SPRTN: variants seen among roughly 807,000 people sequenced by gnomAD.
SPRTN encodes DNA-dependent metalloprotease SPRTN.
In SPRTN, 11 loss-of-function variants were observed where a neutral mutation model predicts 31.9. That is an observed-to-expected ratio of 0.34 (90% confidence interval 0.22 to 0.57). SPRTN has a LOEUF of 0.57. Among genes scored for constraint, SPRTN ranks in the 20% least tolerant of loss-of-function variants. The pLI is 0.86. For synonymous variants in SPRTN, 185 were observed against 212.1 expected (o/e 0.87, Z 1.11); for missense variants, 482 against 590.1 (o/e 0.82, Z 1.90).
At chr1:231,340,480 G>A (rs1686849078) in intron 2 of SPRTN, among the ~76,000 whole-genome samples, 1 of 152,174 alleles carries the variant, frequency 6.6e-6, no homozygotes, top group South Asian at 2.1e-4. Context: ...GGTTCAGAGA[G>A]GTTAAGTAAC....
At position 231,339,789 on chromosome 1, in the gene SPRTN, A is replaced by G. The variant is rs773894329; in HGVS notation, c.242A>G (p.Tyr81Cys). The change falls in exon 2 of 5, where the codon TAT (tyrosine) becomes TGT (cysteine). Residue 81 changes from tyrosine (Y) to cysteine (C), a missense_variant. This residue lies in a region of SPRTN where 157 missense variants were observed against 239.9 expected (regional missense o/e 0.65). Transcript: ENST00000295050. The part of the protein sequence containing the change: ...RMTLCAGICS[Y>C]EGKGGMCSIR... Reference sequence around the variant, plus strand: ...TCTAGGTGTGCTGGGATATGCAGCTATGAAGGGAAGGGTGGAATGTGTTCC... The same window carrying G: ...TCTAGGTGTGCTGGGATATGCAGCTGTGAAGGGAAGGGTGGAATGTGTTCC... The G allele has an allele frequency of 1.9e-6, 3 of 1,614,124 alleles. No homozygotes were observed. Among genetic ancestry groups the G allele is most frequent in the South Asian group, 2.2e-5 (2 of 91,086 alleles).
At position 231,338,381 on chromosome 1, in the gene SPRTN, A is replaced by G. The variant is rs757009363; in HGVS notation, c.-3A>G. The G allele has an allele frequency of 2.5e-6, 4 of 1,613,736 alleles. No individual in the cohort carries two copies. The highest frequency in any genetic ancestry group is 3.4e-6 in the Non-Finnish European group (4 of 1,179,668). On this transcript the variant is annotated 5_prime_UTR_variant, in exon 1 of 5. Coordinates refer to ENST00000295050, the MANE Select transcript of SPRTN (RefSeq NM_032018.7). ...GCGGACCCCGCCTGTGATCCTGGCA[A>G]CGATGGATGATGACTTGATGTTGGC...
chr1:231,340,224 G>A (rs559255531), intron 2 of SPRTN, among the ~76,000 whole-genome samples: 1 of 152,042 alleles, frequency 6.6e-6, no homozygotes, highest in East Asian at 1.9e-4. Flanking sequence ...AAAATTAGCC[G>A]GGCGTGGTGG....
intron 2 of SPRTN, among the ~76,000 whole-genome samples, chr1:231,341,451 C>T (rs966653245): frequency 4.6e-5 from 7 of 151,824 alleles, no homozygotes; most frequent in Non-Finnish European, 7.4e-5. Flanking sequence ...AACCTTTAAT[C>T]ATCTTGTAAG....
At chr1:231,345,544 A>T (rs1571994960) in intron 2 of SPRTN, among the ~76,000 whole-genome samples, 1 of 152,114 alleles carries the variant, frequency 6.6e-6, no homozygotes, top group South Asian at 2.1e-4. Context: ...AAAACACTGG[A>T]GTTATTTCTA....
intron 3 of SPRTN, 91 bp downstream of exon 3, chr1:231,348,016 C>A: frequency 6.6e-7 from 1 of 1,509,948 alleles, no homozygotes; most frequent in Non-Finnish European, 8.9e-7. Context: ...TAGGTAGAAA[C>A]AAGTATCTTT....
rs775787648 is a variant in SPRTN at position 231,351,362 on chromosome 1, A to G, written c.509A>G (p.Asn170Ser). Residue 170 changes from asparagine to serine, a missense_variant, in exon 4 of 5, where the codon AAT (asparagine) becomes AGT (serine). Asn to Ser is a conservative substitution (Grantham distance 46, BLOSUM62 1). Around this residue, in one of 2 missense-constraint regions of SPRTN, gnomAD observed 157 missense variants for 239.9 expected, o/e 0.65. Coordinates refer to ENST00000295050, the MANE Select transcript of SPRTN (RefSeq NM_032018.7). Reference sequence around the variant, plus strand: ...TATCGGCGACACTGGTGGCGCTGCAATGGGCCGTGCCAGCACAGGCCACCG... The same window carrying G: ...TATCGGCGACACTGGTGGCGCTGCAGTGGGCCGTGCCAGCACAGGCCACCG... The part of the protein sequence containing the change: ...DEYRRHWWRC[N>S]GPCQHRPPYY... 1.2e-5 allele frequency: 19 copies of G among 1,614,008 alleles called. No individual in the cohort carries two copies. In the South Asian group the frequency reaches 1.2e-4, roughly 10 times the overall value.
intron 3 of SPRTN, among the ~76,000 whole-genome samples, chr1:231,350,258 C>T (rs764938793): frequency 6.6e-6 from 1 of 152,130 alleles, no homozygotes; most frequent in Non-Finnish European, 1.5e-5. Context: ...GCATTCTTTC[C>T]CACAAGGGGA....
intron 2 of SPRTN, 158 bp downstream of exon 2, chr1:231,340,026 GT>G: frequency 2.2e-6 from 1 of 446,746 alleles, no homozygotes; most frequent in Admixed American, 3.9e-5. Flanking sequence ...AACACCTTAT[GT>G]TTTTTATAGT....
At chr1:231,348,738 T>C (rs1006217334) in intron 3 of SPRTN, among the ~76,000 whole-genome samples, 5 of 152,164 alleles carry the variant, frequency 3.3e-5, no homozygotes, top group African/African-American at 1.2e-4. Context: ...TTCTCCCTCT[T>C]TTGAATCCTC....
intron 2 of SPRTN, among the ~76,000 whole-genome samples, chr1:231,342,387 G>A (rs1392860714): frequency 6.6e-6 from 1 of 151,974 alleles, no homozygotes; most frequent in Non-Finnish European, 1.5e-5. Context: ...TATAACAGTG[G>A]TCCCATAAGA....
intron 3 of SPRTN, among the ~76,000 whole-genome samples, chr1:231,350,006 A>G (rs1015869935): frequency 2.0e-5 from 3 of 152,160 alleles, no homozygotes; most frequent in Non-Finnish European, 4.4e-5. Flanking sequence ...GAGCAAGTCC[A>G]TGTCACAGAA....
intron 3 of SPRTN, among the ~76,000 whole-genome samples, chr1:231,349,983 G>T (rs1687175554): frequency 6.6e-6 from 1 of 152,196 alleles, no homozygotes; most frequent in Admixed American, 6.5e-5. Flanking sequence ...CCTCACTCCA[G>T]CCTGGGCAAA....
chr1:231,345,087 G>C, intron 2 of SPRTN, among the ~76,000 whole-genome samples: 1 of 151,404 alleles, frequency 6.6e-6, no homozygotes, highest in Non-Finnish European at 1.5e-5. Flanking sequence ...ACATTCTTCT[G>C]TACTTTGTCT....
Position 231,353,799 on chromosome 1 carries a change from C to A in SPRTN, c.*438C>A. The A allele has an allele frequency of 1.0e-6, 1 of 978,968 alleles. No individual in the cohort carries two copies. Among genetic ancestry groups the A allele is most frequent in the South Asian group, 4.7e-5 (1 of 21,194 alleles). 60.6% of individuals were successfully genotyped at this position (978,968 alleles called of 1,614,324 possible). A position where few individuals can be genotyped will look rare whatever the true frequency, so the allele number is the denominator to read the frequency against. ...TCTTCATAGTGTCAGACATACTGACCAAAACCACAATCTAGACTACAAAGT... is the reference window on the plus strand; with the variant it reads ...TCTTCATAGTGTCAGACATACTGACAAAAACCACAATCTAGACTACAAAGT... On this transcript the variant is annotated 3_prime_UTR_variant, in exon 5 of 5. Coordinates refer to ENST00000295050, the MANE Select transcript of SPRTN (RefSeq NM_032018.7).
intron 3 of SPRTN, among the ~76,000 whole-genome samples, chr1:231,348,219 CTTA>C (rs984020009): frequency 1.3e-5 from 2 of 151,998 alleles, no homozygotes; most frequent in African/African-American, 2.4e-5. Flanking sequence ...ACTTTGTTTC[CTTA>C]TTATTGTCTT....
Position 231,339,677 on chromosome 1 carries a change from G to A in SPRTN, c.222-92G>A. 4 of 1,253,924 alleles carry A rather than the reference G, an allele frequency of 3.2e-6. No individual in the cohort carries two copies. In the South Asian group the frequency reaches 3.6e-5, roughly 11 times the overall value. 77.7% of individuals were successfully genotyped at this position (1,253,924 alleles called of 1,614,324 possible). ...GGGTATACTTTCATGAAAGCCATCT[G>A]CCAACTGAGTTAGTGTGAACTGCCC... On this transcript the variant is annotated intron_variant, in intron 1 of 4. Coordinates refer to ENST00000295050, the MANE Select transcript of SPRTN (RefSeq NM_032018.7).
chr1:231,353,389 C>T lies in SPRTN; in HGVS notation c.*28C>T, dbSNP rs1687301342. ...AAGGTTTCAAAGTCTCAAGTACCAC[C>T]TGTATTATCTCACTAATGTGCTATG... On this transcript the variant is annotated 3_prime_UTR_variant, in exon 5 of 5. Transcript: ENST00000295050. 4 of 1,537,028 alleles carry T rather than the reference C, an allele frequency of 2.6e-6. No homozygotes were observed. In the East Asian group the frequency reaches 9.0e-5, roughly 35 times the overall value.
intron 2 of SPRTN, 81 bp from the exon 3 acceptor site, chr1:231,347,716 A>T: frequency 4.1e-6 from 6 of 1,479,998 alleles, no homozygotes; most frequent in Non-Finnish European, 4.5e-6. Context: ...AAAAGGTTAG[A>T]CACCAGATAG....
Sources: gnomAD v4.1 joint callset for allele counts (sites outside exome capture counted in the v4.1 genomes callset) on GRCh38, gnomAD v4.1.1 for gene constraint, gnomAD v4.1.1 regional missense constraint, MANE v1.5 for transcripts, NCBI Gene and HGNC (gene_info 2026-07-23, HGNC 2026-07-21) for gene names.